The following SEMA3E variants were observed in gnomAD, a reference collection of about 807,000 sequenced individuals.
The protein encoded by SEMA3E is semaphorin 3E.
SEMA3E carries 49 observed loss-of-function variants against 93.6 expected under a neutral mutation model. The ratio of observed to expected loss-of-function variants is 0.52; its 90% CI spans 0.42 to 0.66. SEMA3E has a LOEUF of 0.66. Ranked by LOEUF, SEMA3E falls within the 30% of genes least tolerant of loss-of-function variation. The pLI, the probability that SEMA3E is intolerant of heterozygous loss-of-function variation, is 0.00. For synonymous variants in SEMA3E, 363 were observed against 330.7 expected, an observed-to-expected ratio of 1.10 and a Z score of -1.06; for missense variants, 906 against 964.8, an observed-to-expected ratio of 0.94 and a Z score of 0.81.
intron 1 of SEMA3E, among the ~76,000 whole-genome samples, chr7:83,512,521 C>T (rs1383543107): frequency 6.6e-6 from 1 of 152,052 alleles, no homozygotes; most frequent in Admixed American, 6.6e-5. Context: ...AAAGATATTA[C>T]GTTTTGTTCT....
intron 4 of SEMA3E, among the ~76,000 whole-genome samples, chr7:83,457,238 G>C (rs73707846): frequency 0.043 from 6,569 of 152,206 alleles, 201 homozygotes; most frequent in African/African-American, 0.08. Flanking sequence ...CAGAGAGAGA[G>C]AGAGAAGACT....
chr7:83,413,174 G>GC (rs1442179553), intron 5 of SEMA3E, among the ~76,000 whole-genome samples: 2 of 151,888 alleles, frequency 1.3e-5, no homozygotes, highest in Non-Finnish European at 2.9e-5. Flanking sequence ...TAAATCCATT[G>GC]CATTGCCTTA....
At chr7:83,378,171 A>G (rs1018721787) in intron 16 of SEMA3E, among the ~76,000 whole-genome samples, 3 of 151,968 alleles carry the variant, frequency 2.0e-5, no homozygotes, top group African/African-American at 7.2e-5. Flanking sequence ...CACTGAATTT[A>G]AATGAAGATA....
At chr7:83,505,412 A>C (rs1258988854) in intron 1 of SEMA3E, among the ~76,000 whole-genome samples, 3 of 152,192 alleles carry the variant, frequency 2.0e-5, no homozygotes, top group Non-Finnish European at 4.4e-5. Flanking sequence ...CTAAAAATAA[A>C]AGGTAATTAA....
At chr7:83,604,530 G>GTATATA (rs563275414) in intron 1 of SEMA3E, among the ~76,000 whole-genome samples, 3 of 146,718 alleles carry the variant, frequency 2.0e-5, no homozygotes, top group African/African-American at 7.6e-5. Flanking sequence ...ACATATATAT[G>GTATATA]TATATATATA....
intron 3 of SEMA3E, among the ~76,000 whole-genome samples, chr7:83,467,417 T>A (rs937877598): frequency 6.6e-6 from 1 of 152,186 alleles, no homozygotes; most frequent in African/African-American, 2.4e-5. Context: ...TAAAGCACCT[T>A]CAGAGAGAAT....
Position 83,435,027 on chromosome 7 carries a change from T to C in SEMA3E, c.457-16544A>G, listed in dbSNP as rs186456605. ...CGCGCCCGGCCAACTGTATTTCTTATGGATGTAATTCTAATAGCATTCTCT... is the reference window on the plus strand; with the variant it reads ...CGCGCCCGGCCAACTGTATTTCTTACGGATGTAATTCTAATAGCATTCTCT... On this transcript the variant is annotated intron_variant, in intron 4 of 16. Coordinates refer to ENST00000643230, the MANE Select transcript of SEMA3E (RefSeq NM_012431.3). 1.8e-4 allele frequency among the ~76,000 whole-genome samples: 28 copies of C among 152,236 alleles called. No individual in the cohort carries two copies. In the East Asian group the frequency reaches 5.1e-3, roughly 28 times the overall value.
intron 4 of SEMA3E, among the ~76,000 whole-genome samples, chr7:83,428,123 G>A (rs1729153184): frequency 6.6e-6 from 1 of 151,774 alleles, no homozygotes. Flanking sequence ...TTCCTCTTTG[G>A]GCCTTGAGGG....
intron 4 of SEMA3E, among the ~76,000 whole-genome samples, chr7:83,441,682 G>C (rs981339293): frequency 6.6e-6 from 1 of 152,124 alleles, no homozygotes; most frequent in South Asian, 2.1e-4. Flanking sequence ...AGGACACTGA[G>C]CCACCATCAG....
chr7:83,605,379 C>T (rs537480302), intron 1 of SEMA3E, among the ~76,000 whole-genome samples: 25 of 151,814 alleles, frequency 1.6e-4, no homozygotes, highest in African/African-American at 6.0e-4. Context: ...TCCCTAATGA[C>T]CAGTGATGCT....
chr7:83,581,585 T>C (rs1792518969), intron 1 of SEMA3E, among the ~76,000 whole-genome samples: 1 of 152,028 alleles, frequency 6.6e-6, no homozygotes, highest in Admixed American at 6.6e-5. Flanking sequence ...TTTAATAAAT[T>C]GAATTTTGCA....
chr7:83,572,675 G>T (rs1792311335), intron 1 of SEMA3E, among the ~76,000 whole-genome samples: 1 of 151,648 alleles, frequency 6.6e-6, no homozygotes, highest in African/African-American at 2.4e-5. Flanking sequence ...AAAAAAAACA[G>T]ATACATAGAC....
chr7:83,368,038 C>CA lies in SEMA3E; in HGVS notation c.1876-1_1876insT (p.Val626CysfsTer5). On this transcript the variant is annotated frameshift_variant and splice_region_variant. Coordinates refer to ENST00000643230, the MANE Select transcript of SEMA3E (RefSeq NM_012431.3). LOFTEE classifies it high-confidence loss of function. ...TTAACCACTCTGTCATCTGTCTTCACCTGCAAAAACAAAAAAGTAAATGGC... is the reference window on the plus strand; with the variant it reads ...TTAACCACTCTGTCATCTGTCTTCACACTGCAAAAACAAAAAAGTAAATGGC... 1.9e-6 allele frequency: 3 copies of CA among 1,613,632 alleles called. No individual in the cohort carries two copies. Among genetic ancestry groups the CA allele is most frequent in the South Asian group, 2.2e-5 (2 of 91,080 alleles).
intron 1 of SEMA3E, among the ~76,000 whole-genome samples, chr7:83,525,784 GT>G (rs35792837): frequency 0.024 from 3,112 of 128,434 alleles, 70 homozygotes; most frequent in African/African-American, 0.068. Flanking sequence ...GTTTGTTTGG[GT>G]TTTTTTTTTT....
intron 1 of SEMA3E, among the ~76,000 whole-genome samples, chr7:83,580,280 T>C (rs1792492483): frequency 4.6e-5 from 7 of 152,014 alleles, no homozygotes; most frequent in Admixed American, 4.6e-4. Flanking sequence ...AAATTTACCT[T>C]CCTTGAATTA....
At position 83,408,447 on chromosome 7, in the gene SEMA3E, G is replaced by T; in HGVS notation, c.591C>A (p.Ser197Arg). The part of the protein sequence containing the change: ...LFAGLYSDYW[S>R]RDAAIFRSMG... The stretch of plus-strand genomic sequence containing the variant: ...TGCTGCGGAAGATCGCAGCGTCTCT[G>T]CTCCAGTAGTCACTGTAGAGTCCAG... Residue 197 changes from serine to arginine, a missense_variant, in exon 6 of 17, where the codon AGC becomes AGA. Coordinates refer to ENST00000643230, the MANE Select transcript of SEMA3E (RefSeq NM_012431.3). 1 of 1,613,702 alleles carries T rather than the reference G, an allele frequency of 6.2e-7. No individual in the cohort carries two copies. The highest frequency in any genetic ancestry group is 8.5e-7 in the Non-Finnish European group (1 of 1,179,810).
chr7:83,417,435 T>G (rs1473132723), intron 5 of SEMA3E, among the ~76,000 whole-genome samples: 1 of 152,136 alleles, frequency 6.6e-6, no homozygotes, highest in Non-Finnish European at 1.5e-5. Flanking sequence ...TTTTAAGTTT[T>G]AATCGTTTAT....
chr7:83,436,561 A>G (rs1418266051), intron 4 of SEMA3E, among the ~76,000 whole-genome samples: 2 of 152,084 alleles, frequency 1.3e-5, no homozygotes. Flanking sequence ...TATGAGAATC[A>G]GAGGAAGGAA....
At chr7:83,595,196 G>T (rs938254183) in intron 1 of SEMA3E, among the ~76,000 whole-genome samples, 1 of 151,960 alleles carries the variant, frequency 6.6e-6, no homozygotes, top group Non-Finnish European at 1.5e-5. Context: ...AAGTCATTAA[G>T]ACAAAAAAAT....
Sources: allele counts gnomAD v4.1 joint callset (sites outside exome capture counted in the v4.1 genomes callset), GRCh38; gene constraint gnomAD v4.1.1; transcripts MANE v1.5; gene names NCBI Gene and HGNC (gene_info 2026-07-23, HGNC 2026-07-21).